The following SUPT5H variants were observed in gnomAD, a reference collection of about 807,000 sequenced individuals.
SUPT5H encodes the protein transcription elongation factor SPT5.
Under a neutral mutation model 142.5 loss-of-function variants are expected in SUPT5H, and 24 were observed. The ratio of observed to expected loss-of-function variants is 0.17; its 90% CI spans 0.12 to 0.24. SUPT5H has a LOEUF of 0.24. SUPT5H is among the 10% of genes least tolerant of loss of function. The pLI is 1.00. For missense variants in SUPT5H, 893 were observed against 1,471.8 expected (o/e 0.61, Z 6.43); for synonymous variants, 546 against 553.0 (o/e 0.99, Z 0.18).
In SUPT5H at chr19:39,458,175, C is replaced by G. The variant is rs1303614644; in HGVS notation, c.308-119C>G. The G allele has an allele frequency of 3.4e-6, 5 of 1,490,566 alleles. No homozygotes were observed. In the South Asian group the frequency reaches 3.9e-5, roughly 12 times the overall value. The allele number at this position is 1,490,566 out of a possible 1,614,324, so 92.3% of individuals were successfully genotyped here. A position where few individuals can be genotyped will look rare whatever the true frequency, so the allele number is the denominator to read the frequency against. On this transcript the variant is annotated intron_variant, in intron 4 of 29. Transcript: ENST00000432763. This position sits in a 1 kb window ranked among gnomAD's most constrained non-coding sequence, Gnocchi z 4.2. ...TTCTGTGTCCCTCCCTTCCCCTCCCCCAACCCATTGGTTGATTTTGCTGCT... is the reference window on the plus strand; with the variant it reads ...TTCTGTGTCCCTCCCTTCCCCTCCCGCAACCCATTGGTTGATTTTGCTGCT...
In SUPT5H at chr19:39,453,538, G is replaced by T; in HGVS notation, c.241+17G>T. 6.6e-7 allele frequency: 1 copy of T among 1,507,954 alleles called. No individual in the cohort carries two copies. 93.4% of individuals were successfully genotyped at this position (1,507,954 alleles called of 1,614,324 possible). ...ACGAGGCTGGTATGTCATAGTGCTTGGCCAGTGCCGAGCAGAGGCTGAGCT... is the reference window on the plus strand; with the variant it reads ...ACGAGGCTGGTATGTCATAGTGCTTTGCCAGTGCCGAGCAGAGGCTGAGCT... On this transcript the variant is annotated intron_variant, in intron 3 of 29. Coordinates refer to ENST00000432763, the MANE Select transcript of SUPT5H (RefSeq NM_001111020.3).
intron 10 of SUPT5H, among the ~76,000 whole-genome samples, chr19:39,461,165 CTG>C (rs1378603086): frequency 6.6e-6 from 1 of 152,220 alleles, no homozygotes; most frequent in East Asian, 1.9e-4. Context: ...TGGTGCTTGA[CTG>C]TAATCCCAGC....
chr19:39,450,859 G>A (rs1054559704), intron 2 of SUPT5H, among the ~76,000 whole-genome samples: 2 of 152,134 alleles, frequency 1.3e-5, no homozygotes, highest in Admixed American at 6.6e-5. Flanking sequence ...GGGAGAACAG[G>A]CCTTAGGCTT....
intron 20 of SUPT5H, 102 bp downstream of exon 20, chr19:39,471,832 G>C: frequency 6.8e-7 from 1 of 1,460,068 alleles, no homozygotes; most frequent in African/African-American, 1.4e-5. Context: ...TGAGGGATTA[G>C]GAGAGCAGTG....
rs765564729 is a variant in SUPT5H at position 39,474,483 on chromosome 19, A to G, written c.2821-32A>G. On this transcript the variant is annotated intron_variant, in intron 27 of 29. Transcript: ENST00000432763. The surrounding 1 kb of genome is among the most constrained non-coding windows in gnomAD (Gnocchi z 6.5). ...ATAGGGTCGGCCAGGCCAGATGACT[A>G]TTCCCAATGACACTTCCTCTTTCCC... 9 of 1,612,914 alleles carry G rather than the reference A, an allele frequency of 5.6e-6. No homozygotes were observed. The Admixed American group carries it at 8.3e-5, about 15-fold the overall frequency.
In SUPT5H at chr19:39,469,074, C is replaced by T; in HGVS notation, c.1144-5C>T. ...CTTCTCTTCCCCTCACCGCTGGGGG[C>T]TTAGATCACGGAGGGTGTGAAGCCA... is the stretch of plus-strand genomic sequence containing the variant. On this transcript the variant is annotated splice_polypyrimidine_tract_variant and splice_region_variant and intron_variant, in intron 14 of 29. Coordinates refer to ENST00000432763, the MANE Select transcript of SUPT5H (RefSeq NM_001111020.3). The surrounding 1 kb of genome is among the most constrained non-coding windows in gnomAD (Gnocchi z 5.1). 3 of 1,614,092 alleles carry T rather than the reference C, an allele frequency of 1.9e-6. No homozygotes were observed. Among genetic ancestry groups the T allele is most frequent in the Non-Finnish European group, 2.5e-6 (3 of 1,179,998 alleles).
In SUPT5H at chr19:39,474,955, T is replaced by G; in HGVS notation, c.3024+237T>G. ...TCTGAGCCAAGACCTGACAAATGAA[T>G]AGGAGTAAGCTAAGGAAAGTGACTG... On this transcript the variant is annotated intron_variant, in intron 28 of 29. Coordinates refer to ENST00000432763, the MANE Select transcript of SUPT5H (RefSeq NM_001111020.3). The surrounding 1 kb of genome is among the most constrained non-coding windows in gnomAD (Gnocchi z 6.5). 1.7e-6 allele frequency: 1 copy of G among 580,780 alleles called. No individual in the cohort carries two copies. The allele number at this position is 580,780 out of a possible 1,614,324, so 36.0% of individuals were successfully genotyped here.
rs201187351 is a variant in SUPT5H, at chr19:39,449,076, C to T, written c.75+3111C>T. On this transcript the variant is annotated intron_variant, in intron 2 of 29. Coordinates refer to ENST00000432763, the MANE Select transcript of SUPT5H (RefSeq NM_001111020.3). The stretch of plus-strand genomic sequence containing the variant: ...TTGCACTCCAGCCTGGGAGACAGAG[C>T]GAGACTGCATCTCAAAAAACAAAAA... 3.8e-5 allele frequency among the ~76,000 whole-genome samples: 4 copies of T among 104,434 alleles called. 1 individual carries two copies. Among genetic ancestry groups the T allele is most frequent in the South Asian group, 3.5e-4 (1 of 2,894 alleles). 68.5% of individuals were successfully genotyped at this position (104,434 alleles called of 152,430 possible).
Position 39,473,847 on chromosome 19 carries a change from TG to T in SUPT5H, c.2493-112del. 1 of 1,404,666 alleles carries T rather than the reference TG, an allele frequency of 7.1e-7. No individual in the cohort carries two copies. Among genetic ancestry groups the T allele is most frequent in the Non-Finnish European group, 1.0e-6 (1 of 1,000,222 alleles). The allele number at this position is 1,404,666 out of a possible 1,614,324, so 87.0% of individuals were successfully genotyped here. A position where few individuals can be genotyped will look rare whatever the true frequency, so the allele number is the denominator to read the frequency against. ...AAATAACATCAGGAGTGCCTCTGGA[TG>T]GGGCTCCCGTGAGAATGAAATTGCT... On this transcript the variant is annotated intron_variant, in intron 25 of 29. Coordinates refer to ENST00000432763, the MANE Select transcript of SUPT5H (RefSeq NM_001111020.3). The surrounding 1 kb of genome is among the most constrained non-coding windows in gnomAD (Gnocchi z 5.8).
Position 39,472,902 on chromosome 19 carries a change from G to A in SUPT5H, c.2128G>A (p.Val710Met), listed in dbSNP as rs766691427. The A allele has an allele frequency of 1.2e-6, 2 of 1,613,696 alleles. No individual in the cohort carries two copies. The highest frequency in any genetic ancestry group is 3.3e-5 in the Admixed American group (2 of 60,000). Reference sequence around the variant, plus strand: ...GGACAACGAACTCATCGGCCAGACCGTGCGCATCTCCCAGGGGCCCTACAA... The same window carrying A: ...GGACAACGAACTCATCGGCCAGACCATGCGCATCTCCCAGGGGCCCTACAA... ...RRDNELIGQTVRISQGPYKGY... is the reference protein window; with the variant it reads ...RRDNELIGQTMRISQGPYKGY... Residue 710 changes from valine to methionine, a missense_variant, in exon 22 of 30, where the codon GTG becomes ATG. Transcript: ENST00000432763. This position sits in a 1 kb window ranked among gnomAD's most constrained non-coding sequence, Gnocchi z 4.2.
At chr19:39,452,072 G>A (rs996890380) in intron 2 of SUPT5H, among the ~76,000 whole-genome samples, 2 of 152,248 alleles carry the variant, frequency 1.3e-5, no homozygotes, top group Admixed American at 6.5e-5. Flanking sequence ...TGGGGCTGGG[G>A]GAAAAGGATG....
Position 39,471,514 on chromosome 19 carries a change from G to T in SUPT5H, c.1824+11G>T. On this transcript the variant is annotated intron_variant, in intron 19 of 29. Coordinates refer to ENST00000432763, the MANE Select transcript of SUPT5H (RefSeq NM_001111020.3). ...GATGGCCCCCACTCAGTGAGTACAAGTTCCTGCTTTTGAGCTGCATCTGAA... is the reference window on the plus strand; with the variant it reads ...GATGGCCCCCACTCAGTGAGTACAATTTCCTGCTTTTGAGCTGCATCTGAA... 1 of 1,614,186 alleles carries T rather than the reference G, an allele frequency of 6.2e-7. No individual in the cohort carries two copies. The highest frequency in any genetic ancestry group is 8.5e-7 in the Non-Finnish European group (1 of 1,180,002).
intron 13 of SUPT5H, chr19:39,467,542 G>A (rs945186461): frequency 7.9e-5 from 12 of 152,370 alleles, no homozygotes; most frequent in Admixed American, 6.5e-4. Flanking sequence ...TCAGGCTTTA[G>A]AAAGTCTCCT....
chr19:39,465,228 C>T (rs1031082966), intron 11 of SUPT5H, among the ~76,000 whole-genome samples, 179 bp downstream of exon 11: 6 of 152,196 alleles, frequency 3.9e-5, no homozygotes. Context: ...TGTGCACATT[C>T]CCAGGCGTGT....
At chr19:39,453,610 G>A (rs1006655726) in intron 3 of SUPT5H, 89 bp downstream of exon 3, 83 of 1,396,516 alleles carry the variant, frequency 5.9e-5, no homozygotes, top group Non-Finnish European at 7.1e-5. Context: ...GCGGAGTCTC[G>A]CTCTGTCGCC....
rs372086931 is a variant in SUPT5H, at chr19:39,459,860, C to T, written c.556-32C>T. ...TCCTGTGTCCTTTCCTCCATCCTGT[C>T]ATCTCTCTCAAATCTGCCTCTCATC... On this transcript the variant is annotated intron_variant, in intron 9 of 29. Coordinates refer to ENST00000432763, the MANE Select transcript of SUPT5H (RefSeq NM_001111020.3). 2.7e-4 allele frequency: 431 copies of T among 1,611,594 alleles called. 5 individuals are homozygous for T. The South Asian group carries it at 4.5e-3, about 17-fold the overall frequency.
Position 39,472,919 on chromosome 19 carries a change from G to T in SUPT5H, c.2145G>T (p.Gly715=), listed in dbSNP as rs765548483. The change falls in exon 22 of 30, where the codon GGG becomes GGT. Residue 715 remains glycine, a synonymous_variant. Transcript: ENST00000432763. This position sits in a 1 kb window ranked among gnomAD's most constrained non-coding sequence, Gnocchi z 4.2. ...GCCAGACCGTGCGCATCTCCCAGGG[G>T]CCCTACAAAGGTGACCTGCGAGGCC... ...LIGQTVRISQ[G]PYKGYIGVVK... 1.4e-5 allele frequency: 22 copies of T among 1,613,364 alleles called. No homozygotes were observed. Among genetic ancestry groups the T allele is most frequent in the Non-Finnish European group, 1.8e-5 (21 of 1,179,668 alleles).
rs773920699 is a variant in SUPT5H, at chr19:39,470,338, A to T, written c.1531-39A>T. ...AAGAGGAGACCCAGGTAGGCGAGCC[A>T]CCTGGACTGGGCCTCACCCCTTTCA... On this transcript the variant is annotated intron_variant, in intron 17 of 29. Transcript: ENST00000432763. The surrounding 1 kb of genome is among the most constrained non-coding windows in gnomAD (Gnocchi z 5.8). The T allele has an allele frequency of 1.3e-6, 2 of 1,545,994 alleles. No homozygotes were observed. The highest frequency in any genetic ancestry group is 1.8e-6 in the Non-Finnish European group (2 of 1,141,038).
At chr19:39,456,681 G>T (rs768366723) in intron 3 of SUPT5H, among the ~76,000 whole-genome samples, 6 of 152,042 alleles carry the variant, frequency 3.9e-5, no homozygotes, top group Non-Finnish European at 4.4e-5. Context: ...GCCTCCCAAA[G>T]TGCTGGGATT....
Sources: allele counts gnomAD v4.1 joint callset (sites outside exome capture counted in the v4.1 genomes callset), GRCh38; gene constraint gnomAD v4.1.1; non-coding constraint Gnocchi (gnomAD v3.1); transcripts MANE v1.5; gene names NCBI Gene and HGNC (gene_info 2026-07-23, HGNC 2026-07-21).